SNTG1: variants seen among roughly 807,000 people sequenced by gnomAD.
SNTG1 encodes the protein gamma-1-syntrophin.
In SNTG1, 39 loss-of-function variants were observed where a neutral mutation model predicts 74.7. That is an observed-to-expected ratio of 0.52 (90% CI 0.40 to 0.68). The LOEUF (loss-of-function observed/expected upper bound fraction) is 0.68. SNTG1 is among the 30% of genes least tolerant of loss of function. The pLI, the probability that SNTG1 is intolerant of heterozygous loss-of-function variation, is 0.00. For synonymous variants in SNTG1, 254 were observed against 217.1 expected (o/e 1.17, Z -1.49); for missense variants, 685 against 609.5 (o/e 1.12, Z -1.30).
At chr8:50,034,645 T>C (rs1045803663) in intron 1 of SNTG1, among the ~76,000 whole-genome samples, 1 of 152,128 alleles carries the variant, frequency 6.6e-6, no homozygotes, top group Non-Finnish European at 1.5e-5. Flanking sequence ...TTGGCTTCCC[T>C]GGGCCACACT....
intron 1 of SNTG1, among the ~76,000 whole-genome samples, chr8:49,947,482 C>G (rs563452236): frequency 6.6e-6 from 1 of 152,050 alleles, no homozygotes; most frequent in Non-Finnish European, 1.5e-5. Flanking sequence ...GGGCTTTTAC[C>G]CCATTTCCAC....
chr8:50,438,511 C>T (rs745423698), intron 4 of SNTG1, 32 bp from the exon 5 acceptor site: 2 of 1,591,508 alleles, frequency 1.3e-6, no homozygotes, highest in Admixed American at 1.7e-5. Flanking sequence ...TATTAGGAAA[C>T]ACTAACCATT....
chr8:50,452,325 G>A (rs2093465138), intron 8 of SNTG1, among the ~76,000 whole-genome samples: 1 of 152,216 alleles, frequency 6.6e-6, no homozygotes, highest in East Asian at 1.9e-4. Context: ...GTAAACAAGT[G>A]AGAAACCAGC....
chr8:50,496,447 T>C (rs1002945156), intron 8 of SNTG1, among the ~76,000 whole-genome samples: 1 of 152,156 alleles, frequency 6.6e-6, no homozygotes, highest in Non-Finnish European at 1.5e-5. Context: ...CAAGCTCAGC[T>C]ATGGGTATCC....
chr8:49,989,643 A>G (rs540947145), intron 1 of SNTG1, among the ~76,000 whole-genome samples: 7 of 152,094 alleles, frequency 4.6e-5, no homozygotes, highest in East Asian at 3.9e-4. Context: ...AGGCAAAAAC[A>G]TTAAAAGAAA....
chr8:50,063,254 G>A (rs1159493679), intron 1 of SNTG1, among the ~76,000 whole-genome samples: 1 of 152,206 alleles, frequency 6.6e-6, no homozygotes. Flanking sequence ...AAACTTCAGA[G>A]ATGAATTCAT....
chr8:50,491,053 G>A (rs2093847940), intron 8 of SNTG1: 1 of 152,962 alleles, frequency 6.5e-6, no homozygotes, highest in Non-Finnish European at 1.5e-5. Flanking sequence ...GACACAGAGA[G>A]CGACCTCACA....
At chr8:50,037,885 A>C (rs1818297377) in intron 1 of SNTG1, among the ~76,000 whole-genome samples, 1 of 152,214 alleles carries the variant, frequency 6.6e-6, no homozygotes, top group African/African-American at 2.4e-5. Flanking sequence ...AGAATTACTC[A>C]ATGTTAGCCA....
chr8:50,051,899 T>TA (rs1432086076), intron 1 of SNTG1, among the ~76,000 whole-genome samples: 17 of 152,132 alleles, frequency 1.1e-4, no homozygotes, highest in East Asian at 1.9e-4. Flanking sequence ...AACCACAAGA[T>TA]ACTTTTGAAC....
intron 16 of SNTG1, among the ~76,000 whole-genome samples, chr8:50,705,129 A>G (rs1489651396): frequency 6.6e-6 from 1 of 152,110 alleles, no homozygotes; most frequent in Admixed American, 6.5e-5. Context: ...TTTACTCACA[A>G]TGCTCTTTCC....
intron 2 of SNTG1, among the ~76,000 whole-genome samples, chr8:50,346,763 T>C (rs1319123719): frequency 2.6e-5 from 4 of 152,248 alleles, no homozygotes; most frequent in Non-Finnish European, 4.4e-5. Context: ...AAAGCATTAG[T>C]GATCTGTGTA....
At chr8:50,195,545 C>T (rs561676332) in intron 2 of SNTG1, among the ~76,000 whole-genome samples, 1 of 152,288 alleles carries the variant, frequency 6.6e-6, no homozygotes, top group Admixed American at 6.5e-5. Flanking sequence ...CTCTGGTCAC[C>T]CTCCCAATGG....
chr8:50,792,532 A>AC, intron 18 of SNTG1, 139 bp from the exon 19 acceptor site: 1 of 885,988 alleles, frequency 1.1e-6, no homozygotes, highest in Non-Finnish European at 1.7e-6. Flanking sequence ...AAAAATGTCT[A>AC]CATTTGAAAT....
At chr8:50,703,099 C>T (rs1413693866) in intron 15 of SNTG1, among the ~76,000 whole-genome samples, 1 of 152,096 alleles carries the variant, frequency 6.6e-6, no homozygotes, top group East Asian at 1.9e-4. Context: ...TTAGACTACA[C>T]TACATTTATA....
intron 3 of SNTG1, among the ~76,000 whole-genome samples, chr8:50,396,283 C>T (rs753841798): frequency 5.3e-5 from 8 of 152,180 alleles, no homozygotes; most frequent in Non-Finnish European, 1.2e-4. Flanking sequence ...TATGTGATGC[C>T]AAAAGACAAT....
At chr8:49,962,545 T>A (rs538572348) in intron 1 of SNTG1, among the ~76,000 whole-genome samples, 6 of 151,734 alleles carry the variant, frequency 4.0e-5, no homozygotes, top group African/African-American at 1.5e-4. Context: ...AGTCTCTGAG[T>A]CTGTATTTAC....
At chr8:50,681,524 A>G (rs988239952) in intron 15 of SNTG1, among the ~76,000 whole-genome samples, 5 of 152,220 alleles carry the variant, frequency 3.3e-5, no homozygotes, top group Non-Finnish European at 5.9e-5. Flanking sequence ...TATACATAAT[A>G]CATAACCTGT....
intron 1 of SNTG1, among the ~76,000 whole-genome samples, chr8:49,948,969 C>T (rs1415340601): frequency 6.6e-6 from 1 of 152,214 alleles, no homozygotes; most frequent in Admixed American, 6.5e-5. Context: ...TGCAGAGCTT[C>T]TGAGATCACG....
chr8:49,953,908 T>C (rs548011953), intron 1 of SNTG1, among the ~76,000 whole-genome samples: 104 of 152,230 alleles, frequency 6.8e-4, no homozygotes, highest in Admixed American at 1.1e-3. Context: ...ATTGCATAAC[T>C]ACAACTTGCT....
Sources: allele counts gnomAD v4.1 joint callset (sites outside exome capture counted in the v4.1 genomes callset), GRCh38; gene constraint gnomAD v4.1.1; transcripts MANE v1.5; gene names NCBI Gene and HGNC (gene_info 2026-07-23, HGNC 2026-07-21).